NCKAP5: variants seen among roughly 807,000 people sequenced by gnomAD.
NCKAP5 encodes the protein nck-associated protein 5.
In NCKAP5, 92 loss-of-function variants were observed where a neutral mutation model predicts 167.0. That is an observed-to-expected ratio of 0.55 (90% CI 0.47 to 0.66). NCKAP5 has a LOEUF of 0.66. NCKAP5 is among the 30% of genes least tolerant of loss of function. The probability of loss-of-function intolerance (pLI) is 0.00; values close to 1 mark genes in which losing one functional copy is unlikely to be tolerated. For synonymous variants in NCKAP5, 891 were observed against 877.4 expected, an observed-to-expected ratio of 1.02 and a Z score of -0.27; for missense variants, 2,378 against 2,315.0, an observed-to-expected ratio of 1.03 and a Z score of -0.56.
chr2:132,708,697 T>C (rs1053114171), intron 19 of NCKAP5, among the ~76,000 whole-genome samples: 1 of 152,236 alleles, frequency 6.6e-6, no homozygotes, highest in Non-Finnish European at 1.5e-5. Flanking sequence ...GAGCGCTTCA[T>C]GTGTTTATTA....
At chr2:133,433,739 G>A (rs930208077) in intron 3 of NCKAP5, 7 of 152,204 alleles carry the variant, frequency 4.6e-5, no homozygotes, top group Non-Finnish European at 8.8e-5. Flanking sequence ...GATAGCGTAG[G>A]AGATAGAGAA....
chr2:133,473,129 C>T (rs559561170), intron 3 of NCKAP5, among the ~76,000 whole-genome samples: 24 of 152,180 alleles, frequency 1.6e-4, no homozygotes, highest in Non-Finnish European at 2.6e-4. Context: ...GTCAGGAGAT[C>T]GAGACCATCC....
At chr2:133,101,033 T>A (rs1355988009) in intron 6 of NCKAP5, among the ~76,000 whole-genome samples, 2 of 152,086 alleles carry the variant, frequency 1.3e-5, no homozygotes, top group Non-Finnish European at 2.9e-5. Context: ...TTTATGGTTT[T>A]AGGTCTAACG....
the NCKAP5 span, among the ~76,000 whole-genome samples, chr2:133,644,247 A>G: frequency 6.6e-6 from 1 of 152,206 alleles, no homozygotes. Flanking sequence ...TAGAACAAAA[A>G]GTTACATTAG....
intron 3 of NCKAP5, among the ~76,000 whole-genome samples, chr2:133,345,727 G>A (rs1029050795): frequency 1.3e-5 from 2 of 152,146 alleles, no homozygotes; most frequent in Admixed American, 1.3e-4. Flanking sequence ...CTGCTTGTGG[G>A]GTGATTTCAT....
At chr2:133,142,116 A>G (rs1330523624) in intron 5 of NCKAP5, among the ~76,000 whole-genome samples, 2 of 152,170 alleles carry the variant, frequency 1.3e-5, no homozygotes, top group Non-Finnish European at 2.9e-5. Context: ...AGACCTATAA[A>G]TGAGCTGAGT....
At chr2:132,705,588 G>A (rs2105279464) in intron 19 of NCKAP5, among the ~76,000 whole-genome samples, 1 of 152,262 alleles carries the variant, frequency 6.6e-6, no homozygotes, top group South Asian at 2.1e-4. Flanking sequence ...GGTTTAAAAT[G>A]TAAGTTGCTT....
chr2:133,077,705 C>T (rs931497060), intron 6 of NCKAP5, among the ~76,000 whole-genome samples: 10 of 152,196 alleles, frequency 6.6e-5, no homozygotes, highest in Non-Finnish European at 1.0e-4. Context: ...CAAGGCTAGG[C>T]TTTTCTGATA....
chr2:133,245,945 A>G (rs1376135211), intron 4 of NCKAP5, among the ~76,000 whole-genome samples: 2 of 151,988 alleles, frequency 1.3e-5, no homozygotes, highest in Non-Finnish European at 2.9e-5. Flanking sequence ...AGCAGACACT[A>G]AACAATTATA....
At chr2:133,548,285 C>G (rs961752719) in intron 2 of NCKAP5, among the ~76,000 whole-genome samples, 5 of 152,146 alleles carry the variant, frequency 3.3e-5, no homozygotes, top group East Asian at 1.9e-4. Context: ...GAGAATGGAA[C>G]CAAGTTGGAA....
intron 7 of NCKAP5, among the ~76,000 whole-genome samples, chr2:132,978,902 C>A (rs2077052467): frequency 6.6e-6 from 1 of 152,210 alleles, no homozygotes; most frequent in African/African-American, 2.4e-5. Context: ...TTCAACCCAG[C>A]AAACTTAGCA....
intron 3 of NCKAP5, among the ~76,000 whole-genome samples, chr2:133,488,541 C>T (rs1559521985): frequency 2.0e-5 from 3 of 152,140 alleles, no homozygotes; most frequent in Admixed American, 6.5e-5. Context: ...TGGAGTGTTT[C>T]CCTTACCCCT....
the NCKAP5 span, among the ~76,000 whole-genome samples, chr2:133,627,146 A>G: frequency 6.6e-6 from 1 of 152,108 alleles, no homozygotes; most frequent in African/African-American, 2.4e-5. Flanking sequence ...AGCTAGGAAA[A>G]TATTGTACCA....
At chr2:132,862,758 C>G (rs1213900704) in intron 10 of NCKAP5, among the ~76,000 whole-genome samples, 12 of 141,574 alleles carry the variant, frequency 8.5e-5, no homozygotes. Flanking sequence ...TCAAAAAAAC[C>G]CAGTCTCAAA....
At chr2:133,670,942 G>A in the NCKAP5 span, among the ~76,000 whole-genome samples, 21 of 152,210 alleles carry the variant, frequency 1.4e-4, no homozygotes, top group Admixed American at 5.9e-4. Context: ...GAGGCCAGGC[G>A]CAGTGGCTCA....
At chr2:133,606,765 T>TTTTAGCCTGAGAGCTTTTCTA in the NCKAP5 span, among the ~76,000 whole-genome samples, 6 of 146,896 alleles carry the variant, frequency 4.1e-5, no homozygotes, top group African/African-American at 1.5e-4. Context: ...AAAAAAAAGG[T>TTTTAGCCTGAGAGCTTTTCTA]TTTAGCCTGA....
At chr2:133,356,100 G>A (rs1323183567) in intron 3 of NCKAP5, among the ~76,000 whole-genome samples, 1 of 151,944 alleles carries the variant, frequency 6.6e-6, no homozygotes, top group Admixed American at 6.6e-5. Flanking sequence ...CTAACTTGTG[G>A]ATTTTTGATA....
At chr2:133,196,155 CA>C (rs1210320487) in intron 5 of NCKAP5, among the ~76,000 whole-genome samples, 8 of 152,130 alleles carry the variant, frequency 5.3e-5, no homozygotes, top group Non-Finnish European at 7.4e-5. Context: ...TTCCTCTACC[CA>C]CCTGCCAATG....
upstream of NCKAP5, among the ~76,000 whole-genome samples, chr2:133,572,128 G>A (rs1357317157): frequency 6.6e-6 from 1 of 152,170 alleles, no homozygotes; most frequent in Non-Finnish European, 1.5e-5. Context: ...TGGCAGATCC[G>A]GAATTTCAAC....
Sources: allele counts gnomAD v4.1 joint callset (sites outside exome capture counted in the v4.1 genomes callset), GRCh38; gene constraint gnomAD v4.1.1; transcripts MANE v1.5; gene names NCBI Gene and HGNC (gene_info 2026-07-23, HGNC 2026-07-21).